Variants in MRAP2 observed in about 807,000 individuals in gnomAD.
MRAP2 encodes the protein melanocortin-2 receptor accessory protein 2.
In MRAP2, 20 loss-of-function variants were observed where a neutral mutation model predicts 17.4. That is an observed-to-expected ratio of 1.15 (90% confidence interval 0.81 to 1.67). MRAP2 has a LOEUF of 1.67. MRAP2 is among the 40% of genes most tolerant of loss of function. The pLI is 0.00. For synonymous variants in MRAP2, 96 were observed against 88.4 expected, an observed-to-expected ratio of 1.09 and a Z score of -0.48; for missense variants, 238 against 240.0, an observed-to-expected ratio of 0.99 and a Z score of 0.05.
chr6:84,035,158 C>A (rs968175180), intron 1 of MRAP2, among the ~76,000 whole-genome samples: 1 of 152,140 alleles, frequency 6.6e-6, no homozygotes, highest in Non-Finnish European at 1.5e-5. Context: ...CAGCCTAAAC[C>A]CTTTAAAGAG....
At chr6:84,122,957 T>G in the MRAP2 span, among the ~76,000 whole-genome samples, 1 of 151,566 alleles carries the variant, frequency 6.6e-6, no homozygotes, top group South Asian at 2.1e-4. Context: ...AGAACAAAAT[T>G]AAGAACTCAA....
the MRAP2 span, among the ~76,000 whole-genome samples, chr6:84,116,049 C>T: frequency 6.6e-6 from 1 of 152,174 alleles, no homozygotes; most frequent in Non-Finnish European, 1.5e-5. Flanking sequence ...GTTTTCTAGA[C>T]TTAAGATCAT....
the MRAP2 span, among the ~76,000 whole-genome samples, chr6:84,100,189 TTTTTG>T: frequency 6.6e-6 from 1 of 152,196 alleles, no homozygotes; most frequent in African/African-American, 2.4e-5. Flanking sequence ...TTCCTGTTTA[TTTTTG>T]TTTTGACTAT....
At chr6:84,087,998 T>G (rs545486551) in intron 3 of MRAP2, among the ~76,000 whole-genome samples, 16 of 152,076 alleles carry the variant, frequency 1.1e-4, no homozygotes, top group Non-Finnish European at 2.2e-4. Flanking sequence ...GTTTTTTTTG[T>G]TTTTGTTTTT....
intron 3 of MRAP2, among the ~76,000 whole-genome samples, chr6:84,065,020 C>T (rs1372575859): frequency 1.3e-5 from 2 of 152,322 alleles, no homozygotes; most frequent in East Asian, 1.9e-4. Context: ...CACGGTGGCT[C>T]ATGCCCGTAA....
intron 1 of MRAP2, chr6:84,035,254 T>C (rs1356097504): frequency 5.7e-6 from 1 of 176,832 alleles, no homozygotes; most frequent in Non-Finnish European, 1.1e-5. Context: ...CAGTCATCTT[T>C]GTGCAGGTAT....
At chr6:84,074,605 A>G (rs1381236736) in intron 3 of MRAP2, among the ~76,000 whole-genome samples, 1 of 152,220 alleles carries the variant, frequency 6.6e-6, no homozygotes, top group East Asian at 1.9e-4. Context: ...AGGATGACAG[A>G]TAACACCACC....
chr6:84,122,219 T>A, the MRAP2 span, among the ~76,000 whole-genome samples: 2 of 151,810 alleles, frequency 1.3e-5, no homozygotes, highest in South Asian at 4.2e-4. Flanking sequence ...ATTCTATAAA[T>A]ACAGTGTCAC....
At chr6:84,045,176 C>A in intron 1 of MRAP2, 1 of 983,472 alleles carries the variant, frequency 1.0e-6, no homozygotes. Context: ...GAACCAAGCC[C>A]CCACAGATGC....
the MRAP2 span, among the ~76,000 whole-genome samples, chr6:84,120,140 T>C: frequency 1.3e-5 from 2 of 152,176 alleles, no homozygotes; most frequent in African/African-American, 4.8e-5. Context: ...ACAATTCTGA[T>C]GTCCAAAATC....
At chr6:84,063,484 T>C (rs769972437) in intron 3 of MRAP2, 1 of 930,622 alleles carries the variant, frequency 1.1e-6, no homozygotes, top group Non-Finnish European at 1.3e-6. Context: ...TTCTTAAAAC[T>C]AGGATACAAA....
At chr6:84,062,479 GTTAAAT>G in intron 2 of MRAP2, 1 of 941,082 alleles carries the variant, frequency 1.1e-6, no homozygotes, top group East Asian at 1.2e-4. Context: ...GTTAATATCT[GTTAAAT>G]TTAATTTGTC....
chr6:84,113,585 T>C, the MRAP2 span, among the ~76,000 whole-genome samples: 1 of 152,232 alleles, frequency 6.6e-6, no homozygotes, highest in East Asian at 1.9e-4. Context: ...GACATTTACA[T>C]TTAAGGTTAA....
At chr6:84,097,280 T>A in the MRAP2 span, among the ~76,000 whole-genome samples, 4 of 152,144 alleles carry the variant, frequency 2.6e-5, no homozygotes, top group Non-Finnish European at 5.9e-5. Flanking sequence ...GATGAGCCCT[T>A]TTCCTGAATA....
chr6:84,072,263 G>A (rs2099496381), intron 3 of MRAP2, among the ~76,000 whole-genome samples: 1 of 152,184 alleles, frequency 6.6e-6, no homozygotes, highest in South Asian at 2.1e-4. Context: ...GTCCCATGGA[G>A]TGTTCCCTTG....
chr6:84,084,917 A>AT (rs58379284), intron 3 of MRAP2, among the ~76,000 whole-genome samples: 1,404 of 95,372 alleles, frequency 0.015, 17 homozygotes, highest in African/African-American at 0.062. Flanking sequence ...TATTTTATTT[A>AT]TTTATTTTAT....
chr6:84,105,655 G>A, the MRAP2 span, among the ~76,000 whole-genome samples: 1 of 152,226 alleles, frequency 6.6e-6, no homozygotes, highest in East Asian at 1.9e-4. Context: ...CAGAGTTACT[G>A]TTCTCTACCT....
the MRAP2 span, among the ~76,000 whole-genome samples, chr6:84,112,250 G>T: frequency 1.1e-3 from 171 of 152,238 alleles, 2 homozygotes; most frequent in Non-Finnish European, 3.4e-4. Context: ...CTTTTGGTTG[G>T]TAGGCTATTA....
At chr6:84,117,653 G>A in the MRAP2 span, among the ~76,000 whole-genome samples, 2 of 112,068 alleles carry the variant, frequency 1.8e-5, no homozygotes, top group Non-Finnish European at 3.5e-5. Context: ...GTGTGTGTCT[G>A]TGTGTGTGTG....
Sources: allele counts gnomAD v4.1 joint callset (sites outside exome capture counted in the v4.1 genomes callset), GRCh38; gene constraint gnomAD v4.1.1; transcripts MANE v1.5; gene names NCBI Gene and HGNC (gene_info 2026-07-23, HGNC 2026-07-21).